Variants in ZFHX3 observed in about 807,000 individuals in gnomAD.
ZFHX3 encodes zinc finger homeobox 3, also known as zinc finger homeobox protein 3.
Under a neutral mutation model 279.1 loss-of-function variants are expected in ZFHX3, and 42 were observed. That is an observed-to-expected ratio of 0.15 (90% confidence interval 0.12 to 0.19). The LOEUF (loss-of-function observed/expected upper bound fraction) is 0.19, where lower values mean the gene tolerates loss of function less well. Among genes scored for constraint, ZFHX3 ranks in the 10% least tolerant of loss-of-function variants. ZFHX3 has a pLI of 1.00. For synonymous variants in ZFHX3, 2,293 were observed against 1,957.8 expected, an observed-to-expected ratio of 1.17 and a Z score of -4.52; for missense variants, 4,981 against 4,754.0, an observed-to-expected ratio of 1.05 and a Z score of -1.40.
intron 3 of ZFHX3, chr16:73,402,427 A>G (rs1226506817): frequency 1.3e-5 from 2 of 152,272 alleles, no homozygotes. Flanking sequence ...TAAAATACAT[A>G]ACAGTTGAAT....
chr16:73,019,745 C>T (rs112160088), intron 1 of ZFHX3, among the ~76,000 whole-genome samples: 13 of 152,312 alleles, frequency 8.5e-5, no homozygotes, highest in African/African-American at 3.1e-4. Flanking sequence ...TCTCTCACCC[C>T]TCATCCCACG....
intron 3 of ZFHX3, among the ~76,000 whole-genome samples, chr16:73,367,486 G>A (rs1225018131): frequency 6.6e-6 from 1 of 152,160 alleles, no homozygotes; most frequent in Non-Finnish European, 1.5e-5. Context: ...GGCCCACAGA[G>A]ACATGAAAAC....
At chr16:73,768,078 T>G (rs2053973247) in intron 1 of ZFHX3, among the ~76,000 whole-genome samples, 1 of 152,140 alleles carries the variant, frequency 6.6e-6, no homozygotes, top group Non-Finnish European at 1.5e-5. Flanking sequence ...GGGCCTTCGG[T>G]CAAAGTGATG....
At chr16:73,681,607 C>A (rs188214476) in intron 1 of ZFHX3, among the ~76,000 whole-genome samples, 1 of 152,148 alleles carries the variant, frequency 6.6e-6, no homozygotes, top group African/African-American at 2.4e-5. Context: ...ACCTTGCTAA[C>A]GGCTAAGTCT....
At chr16:73,835,218 A>G (rs1961105960) in intron 1 of ZFHX3, among the ~76,000 whole-genome samples, 1 of 152,138 alleles carries the variant, frequency 6.6e-6, no homozygotes, top group Non-Finnish European at 1.5e-5. Context: ...ATTTAGCTAG[A>G]AGTTCCTCTG....
In ZFHX3 at chr16:72,795,733, T is replaced by C; in HGVS notation, c.6949A>G (p.Asn2317Asp). 6.2e-7 allele frequency: 1 copy of C among 1,614,130 alleles called. No homozygotes were observed. The highest frequency in any genetic ancestry group is 8.5e-7 in the Non-Finnish European group (1 of 1,180,024). Residue 2317 changes from asparagine to aspartate, a missense_variant, in exon 9 of 10, where the codon AAT becomes GAT. Around this residue, in one of 7 missense-constraint regions of ZFHX3, gnomAD observed 177 missense variants for 244.2 expected, o/e 0.72. Coordinates refer to ENST00000268489, the MANE Select transcript of ZFHX3 (RefSeq NM_006885.4). Reference sequence around the variant, plus strand: ...TTGCTTGTTCGAATGTATCTATCATTTGTAAGCTCACGCCGCTCTCCATCT... The same window carrying C: ...TTGCTTGTTCGAATGTATCTATCATCTGTAAGCTCACGCCGCTCTCCATCT... ...GKDGERRELTNDRYIRTSNLN... is the reference protein window; with the variant it reads ...GKDGERRELTDDRYIRTSNLN...
At chr16:73,855,227 T>C (rs1009899851) in intron 1 of ZFHX3, among the ~76,000 whole-genome samples, 1 of 150,032 alleles carries the variant, frequency 6.7e-6, no homozygotes, top group Non-Finnish European at 1.5e-5. Context: ...TTTTTTTTTT[T>C]TTTTTTTTTT....
At chr16:73,842,053 TA>T (rs1346696116) in intron 1 of ZFHX3, among the ~76,000 whole-genome samples, 323 of 143,360 alleles carry the variant, frequency 2.3e-3, no homozygotes, top group East Asian at 2.8e-3. Flanking sequence ...GTCTCTACTT[TA>T]AAAAAAAAAA....
chr16:73,079,317 G>T (rs1465065023), intron 8 of ZFHX3, among the ~76,000 whole-genome samples: 3 of 151,836 alleles, frequency 2.0e-5, no homozygotes, highest in African/African-American at 7.3e-5. Flanking sequence ...TTGAGGTCAG[G>T]AGTTCAAGAC....
chr16:73,578,202 A>T (rs962615653), intron 2 of ZFHX3, among the ~76,000 whole-genome samples: 1 of 152,214 alleles, frequency 6.6e-6, no homozygotes, highest in African/African-American at 2.4e-5. Context: ...TTAAACAGGT[A>T]CTTCTGTCAG....
At chr16:73,737,469 C>G (rs2053619286) in intron 1 of ZFHX3, among the ~76,000 whole-genome samples, 1 of 152,190 alleles carries the variant, frequency 6.6e-6, no homozygotes, top group Non-Finnish European at 1.5e-5. Flanking sequence ...ATAACCATCT[C>G]AGTTGCTCTG....
chr16:73,875,576 C>T (rs1469822643), intron 1 of ZFHX3, among the ~76,000 whole-genome samples: 2 of 151,918 alleles, frequency 1.3e-5, no homozygotes, highest in East Asian at 3.9e-4. Flanking sequence ...TTTCCACTTC[C>T]AAATATGTGT....
At chr16:73,010,761 ACAT>A (rs1371978281) in intron 1 of ZFHX3, among the ~76,000 whole-genome samples, 4 of 152,298 alleles carry the variant, frequency 2.6e-5, no homozygotes, top group Middle Eastern at 6.8e-3. Context: ...GGAGACATTT[ACAT>A]CAAGTTCTAC....
intron 1 of ZFHX3, among the ~76,000 whole-genome samples, chr16:73,045,289 T>C (rs1012437320): frequency 2.6e-5 from 4 of 152,272 alleles, no homozygotes; most frequent in Non-Finnish European, 5.9e-5. Flanking sequence ...TTTATTCTAA[T>C]GAACTAACCA....
At chr16:73,547,736 C>G (rs2020144317) in intron 2 of ZFHX3, among the ~76,000 whole-genome samples, 3 of 152,140 alleles carry the variant, frequency 2.0e-5, no homozygotes, top group Admixed American at 2.0e-4. Context: ...GGACACAAAC[C>G]CAGTCTGCCC....
At chr16:73,463,785 C>G (rs2018513760) in intron 2 of ZFHX3, among the ~76,000 whole-genome samples, 1 of 152,140 alleles carries the variant, frequency 6.6e-6, no homozygotes, top group Non-Finnish European at 1.5e-5. Context: ...GACGGATATG[C>G]AGTGCACTAA....
chr16:73,046,359 G>T (rs561622898), intron 1 of ZFHX3, among the ~76,000 whole-genome samples: 1 of 152,288 alleles, frequency 6.6e-6, no homozygotes, highest in East Asian at 1.9e-4. Flanking sequence ...ACAAGGAGCA[G>T]ACTCATGTTT....
At chr16:73,174,123 C>G in intron 5 of ZFHX3, among the ~76,000 whole-genome samples, 1 of 152,122 alleles carries the variant, frequency 6.6e-6, no homozygotes. Flanking sequence ...GGCGAGCCAC[C>G]TTTTTTTCCT....
At chr16:73,782,383 T>C (rs576428743) in intron 1 of ZFHX3, among the ~76,000 whole-genome samples, 1 of 152,322 alleles carries the variant, frequency 6.6e-6, no homozygotes, top group Non-Finnish European at 1.5e-5. Flanking sequence ...GTATAACACA[T>C]GCAAAATTTT....
Sources: gnomAD v4.1 joint callset for allele counts (sites outside exome capture counted in the v4.1 genomes callset) on GRCh38, gnomAD v4.1.1 for gene constraint, gnomAD v4.1.1 regional missense constraint, MANE v1.5 for transcripts, NCBI Gene and HGNC (gene_info 2026-07-23, HGNC 2026-07-21) for gene names.